SLC9A9: variants seen among roughly 807,000 people sequenced by gnomAD.
SLC9A9 encodes the protein solute carrier family 9 member A9, also known as sodium/hydrogen exchanger 9.
In SLC9A9, 62 loss-of-function variants were observed where a neutral mutation model predicts 77.8. The observed-to-expected ratio is 0.80, with a 90% CI of 0.65 to 0.98. The LOEUF is 0.98. SLC9A9 is among the 50% of genes least tolerant of loss of function. The pLI is 0.00. For synonymous variants in SLC9A9, 320 were observed against 283.5 expected, an observed-to-expected ratio of 1.13 and a Z score of -1.29; for missense variants, 775 against 774.9, an observed-to-expected ratio of 1.00 and a Z score of 0.00.
At chr3:143,267,812 G>T (rs529400742) in intron 15 of SLC9A9, among the ~76,000 whole-genome samples, 5 of 152,194 alleles carry the variant, frequency 3.3e-5, no homozygotes, top group Admixed American at 6.5e-5. Flanking sequence ...TCCCTTGAAA[G>T]AATTAAGATC....
At chr3:143,725,485 C>T (rs1226395346) in intron 4 of SLC9A9, among the ~76,000 whole-genome samples, 1 of 151,680 alleles carries the variant, frequency 6.6e-6, no homozygotes, top group Non-Finnish European at 1.5e-5. Flanking sequence ...TGGAACCAAC[C>T]CAAATGTCCA....
chr3:143,621,605 A>C lies in SLC9A9; in HGVS notation c.755+30650T>G, dbSNP rs546381430. Among the ~76,000 whole-genome samples the C allele has an allele frequency of 6.5e-3, 962 of 148,714 alleles. 12 individuals carry two copies. The highest frequency in any genetic ancestry group is 0.023 in the African/African-American group (915 of 40,042). On this transcript the variant is annotated intron_variant, in intron 6 of 15. Coordinates refer to ENST00000316549, the MANE Select transcript of SLC9A9 (RefSeq NM_173653.4). The stretch of plus-strand genomic sequence containing the variant: ...AACAGAAAGGACATCCACACCAAAA[A>C]CCCATCTGTATGTCACCATCATCAA...
At chr3:143,633,160 C>T (rs1468384932) in intron 6 of SLC9A9, among the ~76,000 whole-genome samples, 1 of 152,138 alleles carries the variant, frequency 6.6e-6, no homozygotes, top group African/African-American at 2.4e-5. Flanking sequence ...AACTCTTATG[C>T]TAGTTATAGG....
At chr3:143,677,562 G>C (rs531316276) in intron 5 of SLC9A9, among the ~76,000 whole-genome samples, 15 of 152,242 alleles carry the variant, frequency 9.9e-5, no homozygotes, top group African/African-American at 3.1e-4. Flanking sequence ...ATATTTTAAG[G>C]TATAATAGCT....
intron 12 of SLC9A9, among the ~76,000 whole-genome samples, chr3:143,466,536 T>TA (rs1169673875): frequency 1.3e-5 from 2 of 152,226 alleles, no homozygotes; most frequent in Non-Finnish European, 2.9e-5. Flanking sequence ...AACTTGTGTC[T>TA]ATAGCATCCC....
intron 12 of SLC9A9, among the ~76,000 whole-genome samples, chr3:143,400,707 GA>G (rs2033834467): frequency 8.8e-6 from 1 of 113,764 alleles, no homozygotes; most frequent in Non-Finnish European, 1.8e-5. Context: ...AAAAACTTTT[GA>G]CTGAATTTAT....
chr3:143,348,483 G>A (rs1290002881), intron 14 of SLC9A9, among the ~76,000 whole-genome samples: 1 of 152,080 alleles, frequency 6.6e-6, no homozygotes, highest in Non-Finnish European at 1.5e-5. Context: ...TGTTGAATTT[G>A]TAAGGATAAA....
chr3:143,381,299 C>A (rs9881327), intron 13 of SLC9A9: 1 of 151,998 alleles, frequency 6.6e-6, no homozygotes, highest in East Asian at 1.9e-4. Context: ...GTTCTTGTGA[C>A]AGTGAATGGG....
chr3:143,749,825 A>C (rs2006653389), intron 4 of SLC9A9, among the ~76,000 whole-genome samples: 1 of 152,186 alleles, frequency 6.6e-6, no homozygotes, highest in Admixed American at 6.5e-5. Flanking sequence ...GTACACACTG[A>C]AGTTTGAGAA....
At chr3:143,750,994 A>G (rs1191108749) in intron 4 of SLC9A9, among the ~76,000 whole-genome samples, 3 of 152,164 alleles carry the variant, frequency 2.0e-5, no homozygotes, top group East Asian at 3.9e-4. Context: ...GTTGAGTCTA[A>G]ATGCTGGCTC....
Position 143,790,918 on chromosome 3 carries a change from T to C in SLC9A9, c.533+4083A>G, listed in dbSNP as rs531363826. The stretch of plus-strand genomic sequence containing the variant: ...AGAAACTAAGAGCATATAATTTTTG[T>C]TGCTCTTAAAAAGAAGCATTTCATA... On this transcript the variant is annotated intron_variant, in intron 4 of 15. Coordinates refer to ENST00000316549, the MANE Select transcript of SLC9A9 (RefSeq NM_173653.4). Among the ~76,000 whole-genome samples the C allele has an allele frequency of 5.9e-4, 90 of 152,340 alleles. 1 individual carries two copies. In the South Asian group the frequency reaches 0.017, roughly 29 times the overall value.
rs923494801 is a variant in SLC9A9, at chr3:143,668,655, G to C, written c.650-16295C>G. On this transcript the variant is annotated intron_variant, in intron 5 of 15. Transcript: ENST00000316549. Reference sequence around the variant, plus strand: ...TTGTCAATGCTTTTGATAGTTTCTGGAAAGCAATAGGCAATTAATTCTGTT... The same window carrying C: ...TTGTCAATGCTTTTGATAGTTTCTGCAAAGCAATAGGCAATTAATTCTGTT... 2.0e-5 allele frequency among the ~76,000 whole-genome samples: 3 copies of C among 152,058 alleles called. No homozygotes were observed. In the East Asian group the frequency reaches 5.8e-4, roughly 29 times the overall value.
chr3:143,463,871 A>G (rs919262275), intron 12 of SLC9A9, among the ~76,000 whole-genome samples: 2 of 152,228 alleles, frequency 1.3e-5, no homozygotes, highest in African/African-American at 4.8e-5. Context: ...TTCTCTAAAC[A>G]TAGGATCATT....
At chr3:143,487,649 A>T (rs1185388519) in intron 11 of SLC9A9, among the ~76,000 whole-genome samples, 3 of 152,040 alleles carry the variant, frequency 2.0e-5, no homozygotes, top group Non-Finnish European at 4.4e-5. Context: ...TAAATAATCA[A>T]TGGATCAAGA....
intron 4 of SLC9A9, among the ~76,000 whole-genome samples, chr3:143,759,007 A>C (rs1028096894): frequency 6.6e-6 from 1 of 152,184 alleles, no homozygotes; most frequent in African/African-American, 2.4e-5. Context: ...TGTCAACTTT[A>C]CATGGATTTG....
At chr3:143,803,902 C>T (rs573699322) in intron 2 of SLC9A9, among the ~76,000 whole-genome samples, 1 of 152,260 alleles carries the variant, frequency 6.6e-6, no homozygotes, top group South Asian at 2.1e-4. Context: ...TCTTTACTTT[C>T]TAGACAGGTC....
chr3:143,603,970 G>T (rs913725028), intron 6 of SLC9A9, among the ~76,000 whole-genome samples: 4 of 152,136 alleles, frequency 2.6e-5, no homozygotes, highest in African/African-American at 9.7e-5. Context: ...CATTGTCTAT[G>T]ACGTCACTTC....
intron 12 of SLC9A9, among the ~76,000 whole-genome samples, chr3:143,455,402 T>C (rs749156210): frequency 1.8e-4 from 28 of 152,234 alleles, no homozygotes; most frequent in Non-Finnish European, 3.5e-4. Flanking sequence ...TTCTAGTTAC[T>C]CTGCATTTCT....
chr3:143,797,800 A>C (rs753478228), intron 2 of SLC9A9, among the ~76,000 whole-genome samples: 22 of 150,708 alleles, frequency 1.5e-4, no homozygotes, highest in Non-Finnish European at 2.5e-4. Flanking sequence ...CTACCTACCC[A>C]AATCCTATAA....
Sources: allele counts gnomAD v4.1 joint callset (sites outside exome capture counted in the v4.1 genomes callset), GRCh38; gene constraint gnomAD v4.1.1; transcripts MANE v1.5; gene names NCBI Gene and HGNC (gene_info 2026-07-23, HGNC 2026-07-21).